Variants in XDH observed in about 807,000 individuals in gnomAD.
XDH encodes xanthine dehydrogenase, also known as xanthine dehydrogenase/oxidase.
A neutral mutation model predicts 156.1 loss-of-function variants in XDH; 138 were observed. That is an observed-to-expected ratio of 0.88 (90% CI 0.77 to 1.02). The LOEUF (loss-of-function observed/expected upper bound fraction) is 1.02. Ranked by LOEUF, XDH falls within the 50% of genes least tolerant of loss-of-function variation. XDH has a pLI of 0.00. For missense variants in XDH, 1,849 were observed against 1,684.9 expected, an observed-to-expected ratio of 1.10 and a Z score of -1.71; for synonymous variants, 669 against 625.7, an observed-to-expected ratio of 1.07 and a Z score of -1.03.
intron 28 of XDH, 129 bp from the exon 29 acceptor site, chr2:31,347,779 G>T: frequency 8.0e-7 from 1 of 1,246,534 alleles, no homozygotes; most frequent in Non-Finnish European, 1.1e-6. Flanking sequence ...TAATCTCATT[G>T]TCTGGGATGT....
intron 21 of XDH, among the ~76,000 whole-genome samples, 192 bp downstream of exon 21, chr2:31,366,678 G>A (rs1214111506): frequency 2.0e-5 from 3 of 152,224 alleles, no homozygotes; most frequent in Non-Finnish European, 4.4e-5. Flanking sequence ...AACTGAGGCT[G>A]AGAAAGGTTA....
intron 11 of XDH, 79 bp downstream of exon 11, chr2:31,382,922 C>T (rs45491298): frequency 5.3e-5 from 85 of 1,602,674 alleles, no homozygotes; most frequent in Non-Finnish European, 6.7e-5. Context: ...ACTGCACTGA[C>T]ACAGTGAGAG....
intron 4 of XDH, among the ~76,000 whole-genome samples, chr2:31,399,455 T>C (rs998213971): frequency 2.6e-5 from 4 of 152,066 alleles, no homozygotes; most frequent in African/African-American, 9.7e-5. Context: ...AACAAATAAA[T>C]GGACAAGAAG....
intron 13 of XDH, among the ~76,000 whole-genome samples, chr2:31,379,385 C>G (rs1686369129): frequency 1.3e-5 from 2 of 152,206 alleles, no homozygotes; most frequent in South Asian, 4.1e-4. Flanking sequence ...ACATGAACCC[C>G]ACATTCTTTA....
At position 31,379,974 on chromosome 2, in the gene XDH, T is replaced by G. The variant is rs773488302; in HGVS notation, c.1135A>C (p.Thr379Pro). 1 of 1,613,894 alleles carries G rather than the reference T, an allele frequency of 6.2e-7. No homozygotes were observed. Among genetic ancestry groups the G allele is most frequent in the South Asian group, 1.1e-5 (1 of 91,068 alleles). ...TGGTCCATCTGGACAGTTCTCCTGG[T>G]GCCTGTACAGAAGCAAGATGAAGAG... ...GAKLTLVSRG[T>P]RRTVQMDHTF... Residue 379 changes from threonine (T) to proline (P), a missense_variant and splice_region_variant, in exon 13 of 36, where the codon ACC (threonine) becomes CCC (proline). By Grantham distance (38) the Thr-to-Pro change is conservative. Coordinates refer to ENST00000379416, the MANE Select transcript of XDH (RefSeq NM_000379.4).
intron 1 of XDH, among the ~76,000 whole-genome samples, chr2:31,412,230 T>A (rs990153229): frequency 6.6e-6 from 1 of 152,158 alleles, no homozygotes; most frequent in Non-Finnish European, 1.5e-5. Flanking sequence ...AAAGAAGATG[T>A]GAATGAAAAC....
chr2:31,391,326 C>T (rs1307491666), intron 6 of XDH, among the ~76,000 whole-genome samples: 1 of 152,086 alleles, frequency 6.6e-6, no homozygotes, highest in African/African-American at 2.4e-5. Flanking sequence ...TTCCATTGAT[C>T]TCTTTGTCCA....
At chr2:31,407,934 C>T (rs906579227) in intron 1 of XDH, among the ~76,000 whole-genome samples, 7 of 152,240 alleles carry the variant, frequency 4.6e-5, no homozygotes, top group Admixed American at 4.6e-4. Context: ...AAATAGCAAT[C>T]TTTATCACCT....
chr2:31,353,497 A>G (rs1244103740), intron 24 of XDH, among the ~76,000 whole-genome samples: 5 of 151,542 alleles, frequency 3.3e-5, no homozygotes, highest in African/African-American at 4.9e-5. Flanking sequence ...AAAGTGGAGG[A>G]AAAAAAAAGG....
intron 33 of XDH, among the ~76,000 whole-genome samples, chr2:31,340,611 AG>A (rs1685100640): frequency 6.6e-6 from 1 of 152,100 alleles, no homozygotes; most frequent in Admixed American, 6.5e-5. Flanking sequence ...CTGGGATTAC[AG>A]GTGCATGCCA....
chr2:31,414,719 G>T lies in XDH; in HGVS notation c.-53C>A, dbSNP rs369989966. 1 of 1,607,890 alleles carries T rather than the reference G, an allele frequency of 6.2e-7. No individual in the cohort carries two copies. Among genetic ancestry groups the T allele is most frequent in the African/African-American group, 1.3e-5 (1 of 74,878 alleles). ...AGGTACCTCACTCCTAAGAGACACT[G>T]GCAGGTAGTTATCACTGCTCTGTGA... On this transcript the variant is annotated 5_prime_UTR_variant, in exon 1 of 36. Coordinates refer to ENST00000379416, the MANE Select transcript of XDH (RefSeq NM_000379.4).
At chr2:31,389,654 T>C (rs1317507771) in intron 6 of XDH, 1 of 152,144 alleles carries the variant, frequency 6.6e-6, no homozygotes, top group Admixed American at 6.5e-5. Context: ...AAAGTGCCAG[T>C]GCATTATTAC....
chr2:31,392,024 G>C (rs1572559523), intron 6 of XDH, among the ~76,000 whole-genome samples: 1 of 152,156 alleles, frequency 6.6e-6, no homozygotes, highest in Non-Finnish European at 1.5e-5. Context: ...CTTTTTGTAT[G>C]AGTTTTGGTA....
intron 24 of XDH, among the ~76,000 whole-genome samples, chr2:31,357,925 A>G (rs1020076731): frequency 1.3e-5 from 2 of 152,138 alleles, no homozygotes; most frequent in African/African-American, 4.8e-5. Flanking sequence ...TATGAGATAG[A>G]TAATTTGAAT....
At chr2:31,393,926 T>G (rs548772946) in intron 6 of XDH, among the ~76,000 whole-genome samples, 1 of 152,102 alleles carries the variant, frequency 6.6e-6, no homozygotes, top group Non-Finnish European at 1.5e-5. Flanking sequence ...AACAAAATAT[T>G]TCTAATTTTT....
intron 13 of XDH, 49 bp from the exon 14 acceptor site, chr2:31,377,286 CT>C: frequency 1.2e-6 from 2 of 1,609,852 alleles, no homozygotes; most frequent in Non-Finnish European, 8.5e-7. Context: ...TCTGTAGGGG[CT>C]GCAAATGGCA....
chr2:31,374,507 T>C (rs1310309032), intron 15 of XDH, among the ~76,000 whole-genome samples: 1 of 152,012 alleles, frequency 6.6e-6, no homozygotes, highest in Non-Finnish European at 1.5e-5. Flanking sequence ...AGACAAACAG[T>C]ATGACAGATA....
intron 3 of XDH, 56 bp from the exon 4 acceptor site, chr2:31,401,384 GGCCT>G: frequency 6.3e-7 from 1 of 1,582,722 alleles, no homozygotes; most frequent in Non-Finnish European, 8.7e-7. Context: ...CATCAGAATG[GGCCT>G]GACTGTGAGC....
chr2:31,378,129 AGG>A (rs1398605540), intron 13 of XDH, among the ~76,000 whole-genome samples: 9 of 70,242 alleles, frequency 1.3e-4, no homozygotes, highest in African/African-American at 3.9e-4. Flanking sequence ...GAAGGAAGGA[AGG>A]AAGGAAGGAA....
Sources: allele counts gnomAD v4.1 joint callset (sites outside exome capture counted in the v4.1 genomes callset), GRCh38; gene constraint gnomAD v4.1.1; transcripts MANE v1.5; gene names NCBI Gene and HGNC (gene_info 2026-07-23, HGNC 2026-07-21).